Variants in DEPDC5 observed in about 807,000 individuals in gnomAD.
DEPDC5 encodes the protein GATOR1 complex protein DEPDC5.
DEPDC5 carries 73 observed loss-of-function variants against 217.3 expected under a neutral mutation model. The ratio of observed to expected loss-of-function variants is 0.34; its 90% CI spans 0.28 to 0.41. The LOEUF is 0.41. Ranked by LOEUF, DEPDC5 falls within the 10% of genes least tolerant of loss-of-function variation. The pLI is 1.00. For missense variants in DEPDC5, 1,675 were observed against 2,070.1 expected (o/e 0.81, Z 3.70); for synonymous variants, 733 against 756.7 (o/e 0.97, Z 0.51).
At position 31,865,548 on chromosome 22, in the gene DEPDC5, G is replaced by A. The variant is rs188679651; in HGVS notation, c.3330+4115G>A. 7.5e-4 allele frequency among the ~76,000 whole-genome samples: 114 copies of A among 152,180 alleles called. 1 individual carries two copies. Among genetic ancestry groups the A allele is most frequent in the East Asian group, 5.8e-3 (30 of 5,168 alleles). On this transcript the variant is annotated intron_variant, in intron 33 of 42. Transcript: ENST00000651528. ...ACATATATATATAACCATTTGGAGCGAGGGGTTAGGATGGACACATAGAGG... is the reference window on the plus strand; with the variant it reads ...ACATATATATATAACCATTTGGAGCAAGGGGTTAGGATGGACACATAGAGG...
At chr22:31,805,962 G>T (rs984351430) in intron 17 of DEPDC5, among the ~76,000 whole-genome samples, 160 bp from the exon 18 acceptor site, 2 of 152,156 alleles carry the variant, frequency 1.3e-5, no homozygotes, top group Non-Finnish European at 1.5e-5. Flanking sequence ...CTAATGTTTT[G>T]TAGTGAATTC....
intron 30 of DEPDC5, among the ~76,000 whole-genome samples, 194 bp downstream of exon 30, chr22:31,845,431 G>A (rs555805617): frequency 2.6e-4 from 39 of 152,322 alleles, no homozygotes; most frequent in Admixed American, 1.0e-3. Flanking sequence ...GCAGTGACTG[G>A]GTGGTGTTCT....
In DEPDC5 at chr22:31,819,189, T is replaced by C. The variant is rs1230806326; in HGVS notation, c.1834T>C (p.Ser612Pro). The change falls in exon 22 of 43, where the codon TCC becomes CCC. Residue 612 changes from serine (S) to proline (P), a missense_variant. Around this residue, in one of 11 missense-constraint regions of DEPDC5, gnomAD observed 8 missense variants for 28.1 expected, o/e 0.28. Coordinates refer to ENST00000651528, the MANE Select transcript of DEPDC5 (RefSeq NM_001242896.3). ...APSRMPMKLTSNRRRWMHTFP... is the reference protein window; with the variant it reads ...APSRMPMKLTPNRRRWMHTFP... ...CTCTCGGATGCCCATGAAGCTTACG[T>C]CCAACAGAAGGCGCTGGATGCACAC... 1 of 1,614,146 alleles carries C rather than the reference T, an allele frequency of 6.2e-7. No homozygotes were observed. Among genetic ancestry groups the C allele is most frequent in the Admixed American group, 1.7e-5 (1 of 60,014 alleles).
chr22:31,866,467 C>T (rs1327931871), intron 33 of DEPDC5, among the ~76,000 whole-genome samples: 1 of 152,104 alleles, frequency 6.6e-6, no homozygotes, highest in African/African-American at 2.4e-5. Flanking sequence ...CTCACTGCAA[C>T]CTCCGCCTCC....
rs774163630 is a variant in DEPDC5 at position 31,857,540 on chromosome 22, A to T, written c.3251A>T (p.Asp1084Val). ...GTTGCCATGACTCCCACCTACATGG[A>T]CAGCCCACGAAAGGTAAAGGAAGCC... Reference protein sequence around the residue: ...SSVAMTPTYMDSPRKDGAFFM... With the variant: ...SSVAMTPTYMVSPRKDGAFFM... The change falls in exon 32 of 43, where the codon GAC becomes GTC. Residue 1084 changes from aspartate (D) to valine (V), a missense_variant. Physicochemically the swap from Asp to Val is radical, Grantham distance 152. Transcript: ENST00000651528. 6.2e-7 allele frequency: 1 copy of T among 1,610,994 alleles called. No homozygotes were observed. Among genetic ancestry groups the T allele is most frequent in the South Asian group, 1.1e-5 (1 of 90,132 alleles).
chr22:31,839,524 C>G (rs2091263124), intron 27 of DEPDC5, among the ~76,000 whole-genome samples: 1 of 151,914 alleles, frequency 6.6e-6, no homozygotes, highest in Admixed American at 6.6e-5. Flanking sequence ...CAAGACCCCC[C>G]CTCCCCTGAT....
At chr22:31,772,794 A>G (rs1053959363) in intron 7 of DEPDC5, among the ~76,000 whole-genome samples, 15 of 150,308 alleles carry the variant, frequency 1.0e-4, no homozygotes, top group Non-Finnish European at 2.2e-4. Flanking sequence ...TATATATATT[A>G]TTTCTGAGAC....
At chr22:31,883,020 A>T (rs2093217846) in intron 38 of DEPDC5, among the ~76,000 whole-genome samples, 1 of 152,106 alleles carries the variant, frequency 6.6e-6, no homozygotes, top group South Asian at 2.1e-4. Flanking sequence ...GGGTTTCTCA[A>T]CTTCAGCACT....
At chr22:31,761,662 C>CAA (rs532267383) in intron 4 of DEPDC5, among the ~76,000 whole-genome samples, 14,791 of 97,256 alleles carry the variant, frequency 0.15, 1,148 homozygotes, top group South Asian at 0.24. Context: ...GACCCTATCT[C>CAA]AAAAAAAAAA....
chr22:31,882,442 A>G (rs2093202367), intron 38 of DEPDC5, among the ~76,000 whole-genome samples: 1 of 152,238 alleles, frequency 6.6e-6, no homozygotes, highest in African/African-American at 2.4e-5. Flanking sequence ...GAGCTGAAGA[A>G]AGCAAAAAGA....
chr22:31,866,948 C>G (rs1287860118), intron 33 of DEPDC5, among the ~76,000 whole-genome samples: 1 of 152,228 alleles, frequency 6.6e-6, no homozygotes, highest in Non-Finnish European at 1.5e-5. Flanking sequence ...TGTTAGCCAT[C>G]TCTACTATGA....
intron 4 of DEPDC5, among the ~76,000 whole-genome samples, chr22:31,763,765 A>G (rs1278888722): frequency 1.3e-5 from 2 of 151,764 alleles, no homozygotes; most frequent in Admixed American, 6.6e-5. Context: ...CAATATTTCA[A>G]TTTGAGGAGA....
At chr22:31,834,208 G>T in intron 25 of DEPDC5, 2 of 553,056 alleles carry the variant, frequency 3.6e-6, no homozygotes, top group South Asian at 2.1e-5. Context: ...AGGGGCACCT[G>T]GGAAAGGTAG....
chr22:31,828,416 C>T (rs1190899457), intron 24 of DEPDC5, among the ~76,000 whole-genome samples: 2 of 140,632 alleles, frequency 1.4e-5, no homozygotes, highest in Non-Finnish European at 3.0e-5. Flanking sequence ...CACGCCATTG[C>T]ACTCCAGCCT....
At chr22:31,892,840 G>C (rs147111103) in intron 38 of DEPDC5, among the ~76,000 whole-genome samples, 23 of 148,578 alleles carry the variant, frequency 1.5e-4, no homozygotes, top group African/African-American at 5.7e-4. Context: ...AATATCCATG[G>C]TTTACATTTT....
chr22:31,866,190 A>C (rs2092683468), intron 33 of DEPDC5, among the ~76,000 whole-genome samples: 1 of 152,062 alleles, frequency 6.6e-6, no homozygotes, highest in Non-Finnish European at 1.5e-5. Flanking sequence ...GTAGCTTGGG[A>C]GTGCCAGAAA....
intron 3 of DEPDC5, among the ~76,000 whole-genome samples, chr22:31,759,613 C>A (rs902136423): frequency 6.6e-6 from 1 of 150,624 alleles, no homozygotes; most frequent in African/African-American, 2.4e-5. Context: ...ACCTCGTGAT[C>A]CGCCTGCCTT....
rs565299867 is a variant in DEPDC5 at position 31,865,145 on chromosome 22, G to A, written c.3330+3712G>A. 8.5e-5 allele frequency among the ~76,000 whole-genome samples: 13 copies of A among 152,120 alleles called. No individual in the cohort carries two copies. In the East Asian group the frequency reaches 2.1e-3, roughly 25 times the overall value. ...CCAGCCGTATTTTTTTTATCTTATT[G>A]TATGTCTGTTTATTAGTAGCCTCAC... is the stretch of plus-strand genomic sequence containing the variant. On this transcript the variant is annotated intron_variant, in intron 33 of 42. Coordinates refer to ENST00000651528, the MANE Select transcript of DEPDC5 (RefSeq NM_001242896.3).
chr22:31,848,186 G>C (rs1026107460), intron 31 of DEPDC5, among the ~76,000 whole-genome samples: 6 of 152,128 alleles, frequency 3.9e-5, no homozygotes, highest in African/African-American at 1.4e-4. Flanking sequence ...ACTTCGGGCT[G>C]CTTTTACGGC....
Sources: allele counts gnomAD v4.1 joint callset (sites outside exome capture counted in the v4.1 genomes callset), GRCh38; gene constraint gnomAD v4.1.1; regional missense constraint gnomAD v4.1.1; transcripts MANE v1.5; gene names NCBI Gene and HGNC (gene_info 2026-07-23, HGNC 2026-07-21).